PCDHA2: variants seen among roughly 807,000 people sequenced by gnomAD.
PCDHA2 encodes protocadherin alpha-2.
A neutral mutation model predicts 66.0 loss-of-function variants in PCDHA2; 58 were observed. The ratio of observed to expected loss-of-function variants is 0.88; its 90% CI spans 0.71 to 1.09. The LOEUF is 1.09. Among genes scored for constraint, PCDHA2 ranks in the 50% least tolerant of loss-of-function variants. The pLI is 0.00. For missense variants in PCDHA2, 1,267 were observed against 1,242.3 expected (o/e 1.02, Z -0.30); for synonymous variants, 634 against 554.0 (o/e 1.14, Z -2.03).
chr5:140,841,872 C>T (rs147561890), intron 1 of PCDHA2: 4 of 1,613,678 alleles, frequency 2.5e-6, no homozygotes, highest in Non-Finnish European at 3.4e-6. Context: ...GATGTGAATT[C>T]AAAGAACGAT....
intron 3 of PCDHA2, among the ~76,000 whole-genome samples, chr5:140,990,233 G>A (rs782139012): frequency 5.3e-5 from 8 of 152,128 alleles, no homozygotes; most frequent in Non-Finnish European, 8.8e-5. Flanking sequence ...TGTAACTAGC[G>A]TTGTATTCCT....
chr5:140,933,130 AAGGTAGAT>A (rs1554209200), intron 1 of PCDHA2, among the ~76,000 whole-genome samples: 1 of 151,994 alleles, frequency 6.6e-6, no homozygotes, highest in East Asian at 1.9e-4. Context: ...CTAAATAATA[AAGGTAGAT>A]AGCCACTCAT....
rs1195729562 is a variant in PCDHA2, at chr5:140,897,783, G to A, written c.2389-81166G>A. 1.3e-3 allele frequency among the ~76,000 whole-genome samples: 204 copies of A among 152,264 alleles called. 1 individual carries two copies. The highest frequency in any genetic ancestry group is 0.011 in the South Asian group (52 of 4,820). ...CGCCACACTGACTTCCACAATGGTTGAACTAGTTTAGAGTCCCACCAACAG... is the reference window on the plus strand; with the variant it reads ...CGCCACACTGACTTCCACAATGGTTAAACTAGTTTAGAGTCCCACCAACAG... On this transcript the variant is annotated intron_variant, in intron 1 of 3. Transcript: ENST00000526136.
intron 1 of PCDHA2, among the ~76,000 whole-genome samples, chr5:140,797,663 C>T (rs566395323): frequency 4.6e-5 from 7 of 152,300 alleles, no homozygotes; most frequent in African/African-American, 1.7e-4. Context: ...TATTTTCTCT[C>T]TTAAAAATTG....
At chr5:140,831,021 T>G in intron 1 of PCDHA2, 1 of 152,424 alleles carries the variant, frequency 6.6e-6, no homozygotes, top group Non-Finnish European at 1.5e-5. Context: ...CTTTTCAGAC[T>G]TGTGATTCCG....
intron 1 of PCDHA2, chr5:140,969,571 G>A: frequency 9.5e-7 from 1 of 1,050,970 alleles, no homozygotes; most frequent in Non-Finnish European, 1.3e-6. Context: ...AATTGTTTGA[G>A]AAGTGAGGAT....
intron 1 of PCDHA2, among the ~76,000 whole-genome samples, chr5:140,932,121 T>C (rs1343821167): frequency 6.6e-6 from 1 of 151,956 alleles, no homozygotes; most frequent in Non-Finnish European, 1.5e-5. Context: ...ATTGATAATA[T>C]TTAAGATATA....
chr5:140,968,670 T>C lies in PCDHA2; in HGVS notation c.2389-10279T>C, dbSNP rs782754896. 23 of 1,614,180 alleles carry C rather than the reference T, an allele frequency of 1.4e-5. No homozygotes were observed. Among genetic ancestry groups the C allele is most frequent in the Non-Finnish European group, 1.8e-5 (21 of 1,180,034 alleles). On this transcript the variant is annotated intron_variant, in intron 1 of 3. Coordinates refer to ENST00000526136, the MANE Select transcript of PCDHA2 (RefSeq NM_018905.3). ...ACTTCTGACCTGGACCTCTTTAAGG[T>C]AGAGCTGCACACAGGAGAAATTAGG...
chr5:140,801,933 A>G lies in PCDHA2; in HGVS notation c.2388+4581A>G, dbSNP rs1762815977. The G allele has an allele frequency of 4.3e-6, 7 of 1,614,226 alleles. No individual in the cohort carries two copies. In the East Asian group the frequency reaches 1.6e-4, roughly 36 times the overall value. ...CAACGCCCCAGCGTTTGAGAGGACG[A>G]TCTATAAAGTCAGATTACTCGAAAA... is the stretch of plus-strand genomic sequence containing the variant. On this transcript the variant is annotated intron_variant, in intron 1 of 3. Coordinates refer to ENST00000526136, the MANE Select transcript of PCDHA2 (RefSeq NM_018905.3).
At position 140,807,168 on chromosome 5, in the gene PCDHA2, C is replaced by T. The variant is rs1236129889; in HGVS notation, c.2388+9816C>T. The T allele has an allele frequency of 1.4e-5, 22 of 1,606,354 alleles. 1 individual carries two copies. Among genetic ancestry groups the T allele is most frequent in the Non-Finnish European group, 1.9e-5 (22 of 1,176,138 alleles). ...TTTGAGAAACGATATTTAATCAGAA[C>T]AAAATACTGTGCACTAAAGATGGAG... On this transcript the variant is annotated intron_variant, in intron 1 of 3. Transcript: ENST00000526136.
At chr5:140,805,221 AT>A (rs1246875738) in intron 1 of PCDHA2, 61 of 1,397,428 alleles carry the variant, frequency 4.4e-5, no homozygotes, top group Non-Finnish European at 5.4e-5. Context: ...ATTGTTTTCT[AT>A]TCTGCTGCAT....
At chr5:140,877,725 G>A (rs570815670) in intron 1 of PCDHA2, 1 of 1,614,124 alleles carries the variant, frequency 6.2e-7, no homozygotes, top group Non-Finnish European at 8.5e-7. Flanking sequence ...GGTCTTACTC[G>A]CAGCAGAGGA....
intron 1 of PCDHA2, chr5:140,843,360 C>T (rs2150358233): frequency 3.1e-6 from 5 of 1,595,970 alleles, no homozygotes; most frequent in East Asian, 2.2e-5. Context: ...AAAGCGTCAT[C>T]GAGGCAGTCG....
intron 1 of PCDHA2, chr5:140,856,194 A>G (rs1299614347): frequency 1.3e-6 from 2 of 1,598,082 alleles, no homozygotes; most frequent in Non-Finnish European, 1.7e-6. Context: ...CGCATCGCGC[A>G]GGACCTGGGG....
chr5:140,870,200 C>G lies in PCDHA2; in HGVS notation c.2388+72848C>G, dbSNP rs377755323. Reference sequence around the variant, plus strand: ...GTACGAGAGGACGCTCAGCCCAGCACGGTCATTGCCCTGATCAGCGTGTCT... The same window carrying G: ...GTACGAGAGGACGCTCAGCCCAGCAGGGTCATTGCCCTGATCAGCGTGTCT... On this transcript the variant is annotated intron_variant, in intron 1 of 3. Transcript: ENST00000526136. 7 of 1,614,056 alleles carry G rather than the reference C, an allele frequency of 4.3e-6. No homozygotes were observed. The African/African-American group carries it at 9.3e-5, about 22-fold the overall frequency.
chr5:140,986,736 A>C (rs1056820843), intron 3 of PCDHA2, among the ~76,000 whole-genome samples: 1 of 152,206 alleles, frequency 6.6e-6, no homozygotes, highest in South Asian at 2.1e-4. Context: ...TCAAGACCCC[A>C]GGGGATCTGG....
intron 1 of PCDHA2, chr5:140,856,002 G>C: frequency 6.5e-7 from 1 of 1,534,758 alleles, no homozygotes; most frequent in South Asian, 1.2e-5. Context: ...TCGTATGTGC[G>C]TTCTAGACCG....
intron 1 of PCDHA2, among the ~76,000 whole-genome samples, chr5:140,874,110 C>T (rs115562650): frequency 0.024 from 3,605 of 152,160 alleles, 51 homozygotes; most frequent in Middle Eastern, 0.034. Flanking sequence ...AATTACTTAA[C>T]GTTTTATAGT....
At chr5:140,959,541 C>T (rs2095493793) in intron 1 of PCDHA2, among the ~76,000 whole-genome samples, 1 of 152,002 alleles carries the variant, frequency 6.6e-6, no homozygotes, top group Non-Finnish European at 1.5e-5. Flanking sequence ...TTCAGAGATG[C>T]TGTATAAATA....
Sources: allele counts gnomAD v4.1 joint callset (sites outside exome capture counted in the v4.1 genomes callset), GRCh38; gene constraint gnomAD v4.1.1; transcripts MANE v1.5; gene names NCBI Gene and HGNC (gene_info 2026-07-23, HGNC 2026-07-21).